The following GSE1 variants were observed in gnomAD, a reference collection of about 807,000 sequenced individuals.
The protein encoded by GSE1 is genetic suppressor element 1.
Under a neutral mutation model 112.6 loss-of-function variants are expected in GSE1, and 32 were observed. That is an observed-to-expected ratio of 0.28 (90% CI 0.21 to 0.38). GSE1 has a LOEUF of 0.38. Ranked by LOEUF, GSE1 falls within the 10% of genes least tolerant of loss-of-function variation. The probability of loss-of-function intolerance (pLI) is 1.00; values close to 1 mark genes in which losing one functional copy is unlikely to be tolerated. For missense variants in GSE1, 2,348 were observed against 1,699.2 expected, an observed-to-expected ratio of 1.38 and a Z score of -6.71; for synonymous variants, 1,115 against 735.6, an observed-to-expected ratio of 1.52 and a Z score of -8.35.
At chr16:85,274,573 T>A (rs1187134614) in intron 1 of GSE1, among the ~76,000 whole-genome samples, 1 of 152,132 alleles carries the variant, frequency 6.6e-6, no homozygotes, top group Non-Finnish European at 1.5e-5. Context: ...GGGCCATGAA[T>A]GGGCAGCCGT....
chr16:85,588,548 C>T (rs1395085294), intron 1 of GSE1, among the ~76,000 whole-genome samples: 2 of 152,222 alleles, frequency 1.3e-5, no homozygotes, highest in Non-Finnish European at 2.9e-5. Flanking sequence ...AGAAAGGGCT[C>T]TTCTCCTGCC....
intron 1 of GSE1, among the ~76,000 whole-genome samples, chr16:85,574,412 G>A (rs988865041): frequency 2.0e-5 from 3 of 152,132 alleles, no homozygotes; most frequent in Admixed American, 1.3e-4. Flanking sequence ...GGGTCTTTCC[G>A]GAGCTCTGCA....
chr16:85,424,647 A>T (rs2048925878), intron 2 of GSE1, among the ~76,000 whole-genome samples: 1 of 152,246 alleles, frequency 6.6e-6, no homozygotes, highest in African/African-American at 2.4e-5. Flanking sequence ...TAATTATTAC[A>T]AACAGGCTGC....
At chr16:85,303,244 C>A in intron 1 of GSE1, among the ~76,000 whole-genome samples, 1 of 152,214 alleles carries the variant, frequency 6.6e-6, no homozygotes, top group Non-Finnish European at 1.5e-5. Context: ...CCCTGCTTGC[C>A]GCGGTCACTC....
chr16:85,362,831 C>CTTT lies in GSE1; in HGVS notation c.2464+5208_2464+5210dup, dbSNP rs67922655. ...CCGTTTCTGAAGTGGTTATTGATAT[C>CTTT]TTTTTTTTTTTTTTTTTTTTTTGAG... On this transcript the variant is annotated intron_variant, in intron 2 of 2. Coordinates refer to the GSE1 transcript ENST00000637419. 2.1e-3 allele frequency among the ~76,000 whole-genome samples: 217 copies of CTTT among 103,422 alleles called. 2 individuals carry two copies. Among genetic ancestry groups the CTTT allele is most frequent in the African/African-American group, 2.8e-3 (74 of 26,224 alleles). 67.8% of individuals were successfully genotyped at this position (103,422 alleles called of 152,430 possible). A position where few individuals can be genotyped will look rare whatever the true frequency, so the allele number is the denominator to read the frequency against.
intron 1 of GSE1, among the ~76,000 whole-genome samples, chr16:85,209,492 CT>C (rs1339533902): frequency 2.0e-5 from 3 of 152,174 alleles, no homozygotes; most frequent in East Asian, 3.8e-4. Context: ...GTGCATCCCC[CT>C]GGACCACTGA....
At chr16:85,372,229 G>A (rs529713023) in intron 2 of GSE1, among the ~76,000 whole-genome samples, 19 of 152,264 alleles carry the variant, frequency 1.2e-4, no homozygotes, top group South Asian at 8.3e-4. Flanking sequence ...GCGGTGGCTT[G>A]TGCTTGTGAG....
At chr16:85,537,053 C>T (rs2151197808) in intron 2 of GSE1, among the ~76,000 whole-genome samples, 1 of 152,326 alleles carries the variant, frequency 6.6e-6, no homozygotes, top group South Asian at 2.1e-4. Context: ...CTCTCCAGCA[C>T]CTCGCCCAGG....
chr16:85,278,231 A>AC (rs780829038), intron 1 of GSE1, among the ~76,000 whole-genome samples: 3 of 152,038 alleles, frequency 2.0e-5, no homozygotes, highest in African/African-American at 7.2e-5. Flanking sequence ...CTGTCCTCTG[A>AC]CCCAGGCCCT....
chr16:85,211,671 G>T (rs1421330446), intron 1 of GSE1, among the ~76,000 whole-genome samples: 1 of 152,216 alleles, frequency 6.6e-6, no homozygotes, highest in African/African-American at 2.4e-5. Flanking sequence ...GAGACCAGGG[G>T]TGGAGTGAGA....
At chr16:85,498,420 G>T (rs977234197) in intron 2 of GSE1, among the ~76,000 whole-genome samples, 1 of 151,370 alleles carries the variant, frequency 6.6e-6, no homozygotes, top group Non-Finnish European at 1.5e-5. Flanking sequence ...CAGACACACA[G>T]ACACACACGG....
At chr16:85,519,923 A>AT (rs1444705232) in intron 2 of GSE1, among the ~76,000 whole-genome samples, 1 of 152,182 alleles carries the variant, frequency 6.6e-6, no homozygotes, top group Non-Finnish European at 1.5e-5. Context: ...CCTTTCTCTC[A>AT]TGCCCTCTAT....
At chr16:85,513,525 C>A (rs1249014874) in intron 2 of GSE1, among the ~76,000 whole-genome samples, 1 of 152,174 alleles carries the variant, frequency 6.6e-6, no homozygotes, top group Non-Finnish European at 1.5e-5. Context: ...CTCTTCTCTT[C>A]CCCCTCTGCT....
upstream of GSE1, among the ~76,000 whole-genome samples, chr16:85,606,631 C>G (rs2047714893): frequency 6.6e-6 from 1 of 152,230 alleles, no homozygotes; most frequent in Non-Finnish European, 1.5e-5. Context: ...TGAGCCAGGC[C>G]CACCACCAGG....
intron 8 of GSE1, among the ~76,000 whole-genome samples, chr16:85,657,872 C>T (rs1189515931): frequency 6.6e-6 from 1 of 152,336 alleles, no homozygotes; most frequent in East Asian, 1.9e-4. Flanking sequence ...ACTGCACACG[C>T]AGCCTGACCT....
chr16:85,299,155 C>T (rs189073300), intron 1 of GSE1, among the ~76,000 whole-genome samples: 1 of 152,314 alleles, frequency 6.6e-6, no homozygotes, highest in Admixed American at 6.5e-5. Context: ...ATGTTTGCAC[C>T]GTCTTGTCTT....
intron 1 of GSE1, among the ~76,000 whole-genome samples, chr16:85,287,449 C>T (rs903988288): frequency 2.9e-4 from 44 of 152,160 alleles, no homozygotes; most frequent in Non-Finnish European, 3.8e-4. Flanking sequence ...CCCACACCCC[C>T]GCCTCTGGCT....
chr16:85,325,941 G>T (rs901015201), intron 1 of GSE1, among the ~76,000 whole-genome samples: 9 of 150,158 alleles, frequency 6.0e-5, no homozygotes, highest in Admixed American at 2.7e-4. Flanking sequence ...TAGAGAGGGG[G>T]TTTCACCATG....
chr16:85,539,085 G>T (rs2049606736), intron 2 of GSE1, among the ~76,000 whole-genome samples: 2 of 152,224 alleles, frequency 1.3e-5, no homozygotes, highest in South Asian at 4.1e-4. Flanking sequence ...ACACAGCTTT[G>T]CCCACTCCTG....
Sources: allele counts gnomAD v4.1 joint callset (sites outside exome capture counted in the v4.1 genomes callset), GRCh38; gene constraint gnomAD v4.1.1; transcripts MANE v1.5; gene names NCBI Gene and HGNC (gene_info 2026-07-23, HGNC 2026-07-21).